CNTNAP2: variants seen among roughly 807,000 people sequenced by gnomAD.
The protein encoded by CNTNAP2 is contactin associated protein 2.
CNTNAP2 carries 98 observed loss-of-function variants against 155.2 expected under a neutral mutation model. The observed-to-expected ratio is 0.63, with a 90% CI of 0.54 to 0.75. The LOEUF (loss-of-function observed/expected upper bound fraction) is 0.75, where lower values mean the gene tolerates loss of function less well. CNTNAP2 is among the 30% of genes least tolerant of loss of function. The pLI, the probability that CNTNAP2 is intolerant of heterozygous loss-of-function variation, is 0.00. For synonymous variants in CNTNAP2, 651 were observed against 631.2 expected (o/e 1.03, Z -0.47); for missense variants, 1,727 against 1,688.1 (o/e 1.02, Z -0.40).
chr7:146,515,450 T>C (rs1797526925), intron 1 of CNTNAP2, among the ~76,000 whole-genome samples: 1 of 152,108 alleles, frequency 6.6e-6, no homozygotes, highest in Non-Finnish European at 1.5e-5. Flanking sequence ...CCCTATGGAT[T>C]TTCACAGCCT....
At chr7:148,354,683 C>CTTTT (rs78922300) in intron 21 of CNTNAP2, among the ~76,000 whole-genome samples, 5,140 of 144,990 alleles carry the variant, frequency 0.035, 91 homozygotes, top group African/African-American at 0.044. Context: ...AAAAGGCTTT[C>CTTTT]TTTTTTTTTT....
chr7:147,525,019 C>G (rs914114844), intron 11 of CNTNAP2, among the ~76,000 whole-genome samples: 7 of 152,200 alleles, frequency 4.6e-5, no homozygotes, highest in Admixed American at 1.3e-4. Context: ...ATGGTGAAAT[C>G]AGCTGTTGGT....
intron 14 of CNTNAP2, among the ~76,000 whole-genome samples, chr7:147,961,447 G>A (rs1922879): frequency 0.28 from 43,231 of 152,052 alleles, 7,414 homozygotes; most frequent in East Asian, 0.57. Context: ...GGAGAAGGAA[G>A]TTCTCTATTT....
intron 1 of CNTNAP2, among the ~76,000 whole-genome samples, chr7:146,250,504 C>G: frequency 6.6e-6 from 1 of 152,266 alleles, no homozygotes; most frequent in Middle Eastern, 3.4e-3. Flanking sequence ...GGTGGTGCCT[C>G]AGTTAGCACA....
chr7:147,554,063 GA>G (rs1799904527), intron 11 of CNTNAP2, among the ~76,000 whole-genome samples: 1 of 152,234 alleles, frequency 6.6e-6, no homozygotes, highest in Non-Finnish European at 1.5e-5. Flanking sequence ...ATCTGAGCAA[GA>G]TGAACTGGAT....
rs571848711 is a variant in CNTNAP2 at position 147,243,031 on chromosome 7, T to C, written c.1349-57110T>C. 2.6e-3 allele frequency among the ~76,000 whole-genome samples: 308 copies of C among 117,854 alleles called. 1 individual carries two copies. The highest frequency in any genetic ancestry group is 0.01 in the African/African-American group (288 of 27,636). 77.3% of individuals were successfully genotyped at this position (117,854 alleles called of 152,430 possible). On this transcript the variant is annotated intron_variant, in intron 8 of 23. Coordinates refer to ENST00000361727, the MANE Select transcript of CNTNAP2 (RefSeq NM_014141.6). The stretch of plus-strand genomic sequence containing the variant: ...TTTTTTTTTTTGAGAGGGAGTCTTG[T>C]TCTGTCGCCAGGCTGGAGTGCAGTG...
At chr7:147,619,490 C>A (rs1229506879) in intron 12 of CNTNAP2, among the ~76,000 whole-genome samples, 1 of 152,202 alleles carries the variant, frequency 6.6e-6, no homozygotes, top group Non-Finnish European at 1.5e-5. Flanking sequence ...GTATTCATCA[C>A]AAACTGACTT....
At chr7:146,333,096 A>T (rs547837200) in intron 1 of CNTNAP2, among the ~76,000 whole-genome samples, 1 of 151,840 alleles carries the variant, frequency 6.6e-6, no homozygotes, top group Admixed American at 6.6e-5. Flanking sequence ...GGCGTGTGCC[A>T]CTACTGCCTG....
chr7:146,831,865 A>G (rs12333981), intron 2 of CNTNAP2, among the ~76,000 whole-genome samples: 3,117 of 152,062 alleles, frequency 0.02, 95 homozygotes, highest in African/African-American at 0.072. Flanking sequence ...ATAATATCTG[A>G]TAGTATTATA....
chr7:147,161,660 G>C (rs975434819), intron 8 of CNTNAP2: 1 of 152,074 alleles, frequency 6.6e-6, no homozygotes, highest in African/African-American at 2.4e-5. Context: ...CTTCACTGAA[G>C]TATCTGCTAA....
chr7:147,401,275 C>G (rs763189056), intron 10 of CNTNAP2, among the ~76,000 whole-genome samples: 1 of 152,170 alleles, frequency 6.6e-6, no homozygotes, highest in East Asian at 1.9e-4. Flanking sequence ...ATGCAAATTG[C>G]CCAACTTAAA....
At chr7:148,188,868 G>A (rs1158834952) in intron 18 of CNTNAP2, among the ~76,000 whole-genome samples, 2 of 152,172 alleles carry the variant, frequency 1.3e-5, no homozygotes, top group African/African-American at 4.8e-5. Flanking sequence ...ATTCCACCCA[G>A]TGGGTTTACC....
At chr7:147,635,683 A>G (rs1444237921) in intron 12 of CNTNAP2, among the ~76,000 whole-genome samples, 1 of 152,168 alleles carries the variant, frequency 6.6e-6, no homozygotes, top group Admixed American at 6.5e-5. Flanking sequence ...AATAGGTAAT[A>G]TTTTTAAAGT....
intron 12 of CNTNAP2, among the ~76,000 whole-genome samples, chr7:147,636,354 A>C (rs1795180495): frequency 6.6e-6 from 1 of 152,218 alleles, no homozygotes. Context: ...GTCCTGACCA[A>C]GCCAGAACTG....
At chr7:146,225,385 A>G (rs1303317269) in intron 1 of CNTNAP2, among the ~76,000 whole-genome samples, 1 of 152,204 alleles carries the variant, frequency 6.6e-6, no homozygotes, top group East Asian at 1.9e-4. Context: ...TTATTTTACT[A>G]TATATAAATT....
intron 1 of CNTNAP2, among the ~76,000 whole-genome samples, chr7:146,155,685 C>CATTATTATT (rs58328058): frequency 1.5e-4 from 22 of 146,764 alleles, no homozygotes; most frequent in South Asian, 4.3e-4. Context: ...AAAACAATAT[C>CATTATTATT]ATTATTATTA....
intron 13 of CNTNAP2, among the ~76,000 whole-genome samples, chr7:147,743,547 G>A (rs893745666): frequency 6.6e-6 from 1 of 152,118 alleles, no homozygotes; most frequent in Non-Finnish European, 1.5e-5. Context: ...CCTATGGGTT[G>A]TTTGGACGCC....
At chr7:147,434,489 G>A (rs1797518434) in intron 10 of CNTNAP2, among the ~76,000 whole-genome samples, 1 of 152,156 alleles carries the variant, frequency 6.6e-6, no homozygotes, top group African/African-American at 2.4e-5. Flanking sequence ...AGATAGAATT[G>A]TCTAGCACTT....
chr7:146,286,105 G>A (rs1269071496), intron 1 of CNTNAP2, among the ~76,000 whole-genome samples: 1 of 142,726 alleles, frequency 7.0e-6, no homozygotes, highest in Non-Finnish European at 1.5e-5. Context: ...TCTGGTTCAT[G>A]GGCAATCGAA....
Sources: allele counts gnomAD v4.1 joint callset (sites outside exome capture counted in the v4.1 genomes callset), GRCh38; gene constraint gnomAD v4.1.1; transcripts MANE v1.5; gene names NCBI Gene and HGNC (gene_info 2026-07-23, HGNC 2026-07-21).